Variants in USP30 observed in about 807,000 individuals in gnomAD.
USP30 encodes ubiquitin specific peptidase 30.
A neutral mutation model predicts 68.2 loss-of-function variants in USP30; 41 were observed. The ratio of observed to expected loss-of-function variants is 0.60; its 90% CI spans 0.47 to 0.78. USP30 has a LOEUF of 0.78. Among genes scored for constraint, USP30 ranks in the 30% least tolerant of loss-of-function variants. USP30 has a pLI of 0.00. For missense variants in USP30, 522 were observed against 649.4 expected (o/e 0.80, Z 2.13); for synonymous variants, 229 against 253.7 (o/e 0.90, Z 0.93).
At chr12:109,024,963 G>C (rs1037188659) in exon 2 of USP30, 2 of 152,288 alleles carry the variant, frequency 1.3e-5, no homozygotes, top group Non-Finnish European at 2.9e-5. Flanking sequence ...TTCAAGAGGA[G>C]ATTGCTGTGT....
chr12:109,032,779 T>C (rs1323391065), intron 3 of USP30, among the ~76,000 whole-genome samples: 1 of 152,174 alleles, frequency 6.6e-6, no homozygotes, highest in African/African-American at 2.4e-5. Flanking sequence ...CCCTATTAAA[T>C]TGCACACTTT....
At chr12:109,031,415 A>C (rs1204724703) in intron 3 of USP30, among the ~76,000 whole-genome samples, 1 of 152,226 alleles carries the variant, frequency 6.6e-6, no homozygotes, top group Non-Finnish European at 1.5e-5. Flanking sequence ...GAGGTATAGC[A>C]CTTTTAAAAT....
chr12:109,059,628 T>G (rs1170822704), intron 3 of USP30, among the ~76,000 whole-genome samples: 1 of 152,114 alleles, frequency 6.6e-6, no homozygotes, highest in South Asian at 2.1e-4. Context: ...ATTCTTCTGC[T>G]TCAGCCTCCC....
chr12:109,062,169 A>G (rs555437813), intron 3 of USP30, among the ~76,000 whole-genome samples: 146 of 152,154 alleles, frequency 9.6e-4, no homozygotes, highest in African/African-American at 3.4e-3. Flanking sequence ...TCCTGGGCTC[A>G]GGTGATCCAC....
At chr12:109,025,698 G>T (rs1392359691) in intron 2 of USP30, among the ~76,000 whole-genome samples, 1 of 151,906 alleles carries the variant, frequency 6.6e-6, no homozygotes, top group Non-Finnish European at 1.5e-5. Context: ...TTTTGACAGG[G>T]TCTTGCTCTG....
At chr12:109,037,486 C>T (rs1431753292) in intron 3 of USP30, among the ~76,000 whole-genome samples, 1 of 152,062 alleles carries the variant, frequency 6.6e-6, no homozygotes, top group Non-Finnish European at 1.5e-5. Flanking sequence ...TCACATGTGT[C>T]ATTATTTTTT....
chr12:109,054,978 A>G (rs1444402002), intron 1 of USP30, among the ~76,000 whole-genome samples: 9 of 152,214 alleles, frequency 5.9e-5, no homozygotes, highest in Admixed American at 5.9e-4. Flanking sequence ...AATCAAAACA[A>G]TATTCACATG....
intron 1 of USP30, chr12:109,053,909 T>C (rs934066960): frequency 1.4e-5 from 6 of 436,918 alleles, no homozygotes; most frequent in Non-Finnish European, 2.3e-5. Context: ...AGCACAGACC[T>C]GGGGAGACAG....
intron 3 of USP30, 22 bp from the exon 4 acceptor site, chr12:109,067,502 G>C (rs775372683): frequency 1.3e-5 from 20 of 1,599,716 alleles, no homozygotes; most frequent in Middle Eastern, 1.7e-4. Flanking sequence ...TTTAATAATT[G>C]TCTTACCTTT....
At chr12:109,079,656 A>G (rs1262149700) in intron 7 of USP30, among the ~76,000 whole-genome samples, 1 of 151,930 alleles carries the variant, frequency 6.6e-6, no homozygotes, top group Non-Finnish European at 1.5e-5. Flanking sequence ...GTGAGCCACC[A>G]TACCTGGCCT....
rs1001332331 is a variant in USP30, at chr12:109,070,068, G to A, written c.481-1544G>A. 2.0e-5 allele frequency among the ~76,000 whole-genome samples: 3 copies of A among 152,126 alleles called. No individual in the cohort carries two copies. The highest frequency in any genetic ancestry group is 1.3e-4 in the Admixed American group (2 of 15,272). ...GCTGCGGGCGGCATCAGCTTCTATT[G>A]TGTTTGCAGCGGGGAGCCACTAGAG... On this transcript the variant is annotated intron_variant, in intron 4 of 12. Coordinates refer to ENST00000257548, the MANE Select transcript of USP30 (RefSeq NM_032663.5). This position sits in a 1 kb window ranked among gnomAD's most constrained non-coding sequence, Gnocchi z 4.0.
rs542481972 is a variant in USP30, at chr12:109,045,272, C to T, written c.-135-2318C>T. ...GGGATTACAGGCGTGAGCCACTGCG[C>T]CCGCCCAAACATCTTTCCAAAGGGA... On this transcript the variant is annotated intron_variant, in intron 3 of 15. Coordinates refer to the USP30 transcript ENST00000392784. Among the ~76,000 whole-genome samples the T allele has an allele frequency of 3.3e-5, 5 of 152,342 alleles. No homozygotes were observed. In the East Asian group the frequency reaches 9.6e-4, roughly 29 times the overall value.
chr12:109,055,400 A>ATATATTTTTT (rs1298811530), intron 1 of USP30, among the ~76,000 whole-genome samples: 4 of 24,474 alleles, frequency 1.6e-4, no homozygotes, highest in African/African-American at 3.3e-4. Context: ...ATATATATAT[A>ATATATTTTTT]TTTTTTTTTT....
intron 3 of USP30, among the ~76,000 whole-genome samples, chr12:109,066,978 A>G: frequency 6.6e-6 from 1 of 152,228 alleles, no homozygotes; most frequent in Non-Finnish European, 1.5e-5. Flanking sequence ...CTTCATTTAA[A>G]TGCTGCAGCC....
At chr12:109,052,531 CT>C (rs2040691978), upstream of USP30, 3 of 673,314 alleles carry the variant, frequency 4.5e-6, no homozygotes, top group South Asian at 3.2e-5. Context: ...TCCGGTCCCC[CT>C]GGGAGCTGTC....
chr12:109,025,827 A>G (rs1004595177), intron 2 of USP30, among the ~76,000 whole-genome samples: 1 of 150,930 alleles, frequency 6.6e-6, no homozygotes, highest in Non-Finnish European at 1.5e-5. Context: ...AGCTAGGACT[A>G]CAAGTGTGCA....
At chr12:109,025,664 G>A (rs1296088309) in intron 2 of USP30, among the ~76,000 whole-genome samples, 1 of 152,060 alleles carries the variant, frequency 6.6e-6, no homozygotes, top group African/African-American at 2.4e-5. Flanking sequence ...GAGAGTGGGT[G>A]GAAGTGGAAC....
chr12:109,084,702 A>G (rs2041898393), intron 11 of USP30, among the ~76,000 whole-genome samples: 1 of 152,238 alleles, frequency 6.6e-6, no homozygotes, highest in African/African-American at 2.4e-5. Context: ...AGGGCTAGGA[A>G]GCTCAAAGAT....
intron 6 of USP30, 151 bp from the exon 7 acceptor site, chr12:109,073,287 G>A: frequency 1.6e-6 from 1 of 618,166 alleles, no homozygotes; most frequent in South Asian, 2.0e-5. Context: ...TCTTTTGGAT[G>A]GAAGTCAATG....
Sources: gnomAD v4.1 joint callset for allele counts (sites outside exome capture counted in the v4.1 genomes callset) on GRCh38, gnomAD v4.1.1 for gene constraint, Gnocchi (gnomAD v3.1) non-coding constraint, MANE v1.5 for transcripts, NCBI Gene and HGNC (gene_info 2026-07-23, HGNC 2026-07-21) for gene names.